Variants in EBF1 observed in about 807,000 individuals in gnomAD.
EBF1 encodes the protein transcription factor COE1.
In EBF1, 10 loss-of-function variants were observed where a neutral mutation model predicts 68.4. The observed-to-expected ratio is 0.15, with a 90% CI of 0.09 to 0.25. EBF1 has a LOEUF of 0.25. Among genes scored for constraint, EBF1 ranks in the 10% least tolerant of loss-of-function variants. The pLI, the probability that EBF1 is intolerant of heterozygous loss-of-function variation, is 1.00. For missense variants in EBF1, 509 were observed against 794.4 expected (o/e 0.64, Z 4.32); for synonymous variants, 298 against 299.8 (o/e 0.99, Z 0.06).
intron 6 of EBF1, among the ~76,000 whole-genome samples, chr5:158,937,999 G>A (rs972793794): frequency 6.6e-6 from 1 of 152,146 alleles, no homozygotes; most frequent in Non-Finnish European, 1.5e-5. Context: ...TCTCGTCGTG[G>A]ACCTGGCATG....
At chr5:158,883,635 C>T (rs1357841037) in intron 6 of EBF1, among the ~76,000 whole-genome samples, 1 of 152,090 alleles carries the variant, frequency 6.6e-6, no homozygotes, top group Non-Finnish European at 1.5e-5. Flanking sequence ...CTCCAAGTCT[C>T]ACAATCCTAT....
At chr5:158,758,265 G>T (rs1181988204) in intron 10 of EBF1, among the ~76,000 whole-genome samples, 1 of 152,202 alleles carries the variant, frequency 6.6e-6, no homozygotes, top group Non-Finnish European at 1.5e-5. Flanking sequence ...GCTCTGGGCT[G>T]ATGAGAGAGG....
intron 7 of EBF1, among the ~76,000 whole-genome samples, chr5:158,830,552 A>G (rs10068867): frequency 0.6 from 90,506 of 151,966 alleles, 27,104 homozygotes; most frequent in South Asian, 0.7. Flanking sequence ...TTACAGGTGT[A>G]AGCCAACACA....
At chr5:158,879,594 AT>A (rs1562200190) in intron 6 of EBF1, among the ~76,000 whole-genome samples, 1 of 152,200 alleles carries the variant, frequency 6.6e-6, no homozygotes, top group Non-Finnish European at 1.5e-5. Context: ...AGTCTTTGCT[AT>A]TGTGAATAGT....
intron 6 of EBF1, among the ~76,000 whole-genome samples, chr5:158,889,169 A>T (rs1254177328): frequency 6.6e-6 from 1 of 152,190 alleles, no homozygotes; most frequent in African/African-American, 2.4e-5. Context: ...ATGCTAATTT[A>T]AACACCTAAT....
At chr5:159,080,943 C>T (rs887844214) in intron 5 of EBF1, among the ~76,000 whole-genome samples, 2 of 152,122 alleles carry the variant, frequency 1.3e-5, no homozygotes, top group African/African-American at 2.4e-5. Context: ...CATGGTTTTG[C>T]TTTCCATGGT....
intron 6 of EBF1, among the ~76,000 whole-genome samples, chr5:158,965,766 C>A (rs1020683428): frequency 2.0e-5 from 3 of 152,188 alleles, no homozygotes; most frequent in African/African-American, 7.2e-5. Flanking sequence ...TATTTAGTAG[C>A]ATAATTAATC....
intron 5 of EBF1, among the ~76,000 whole-genome samples, chr5:159,077,836 T>C (rs140552149): frequency 7.1e-6 from 1 of 139,906 alleles, no homozygotes; most frequent in East Asian, 2.2e-4. Flanking sequence ...CTCCTGGGGC[T>C]CAAGCGATCC....
chr5:158,765,715 C>T (rs1561862915), intron 10 of EBF1, among the ~76,000 whole-genome samples: 1 of 152,142 alleles, frequency 6.6e-6, no homozygotes, highest in Non-Finnish European at 1.5e-5. Context: ...TTCTGTCTAC[C>T]TCTCACCATT....
In EBF1 at chr5:159,041,132, T is replaced by C. The variant is rs17056475; in HGVS notation, c.554+32264A>G. On this transcript the variant is annotated intron_variant, in intron 6 of 15. Coordinates refer to ENST00000313708, the MANE Select transcript of EBF1 (RefSeq NM_024007.5). ...TGGTACCCATCGTCACACACATCAA[T>C]GGTCATTTGAACTGAGCTTGACCAA... Among the ~76,000 whole-genome samples the C allele has an allele frequency of 6.3e-3, 958 of 152,322 alleles. 10 individuals carry two copies. Among genetic ancestry groups the C allele is most frequent in the African/African-American group, 0.022 (914 of 41,566 alleles).
chr5:159,096,220 T>G (rs1584590599), intron 3 of EBF1, 123 bp downstream of exon 3: 12 of 1,064,404 alleles, frequency 1.1e-5, no homozygotes. Context: ...GAGAGGCTGG[T>G]TCACCTCAAA....
At chr5:159,078,145 C>T (rs1779120021) in intron 5 of EBF1, among the ~76,000 whole-genome samples, 1 of 152,150 alleles carries the variant, frequency 6.6e-6, no homozygotes, top group Non-Finnish European at 1.5e-5. Flanking sequence ...TATCAAGCCC[C>T]CTGTGGCTTC....
chr5:159,068,374 GAT>G (rs1777199152), intron 6 of EBF1, among the ~76,000 whole-genome samples: 3 of 4,232 alleles, frequency 7.1e-4, no homozygotes, highest in East Asian at 3.6e-3. Context: ...TGGGTGGGTG[GAT>G]GGATGGATGG....
chr5:159,088,200 A>C (rs1480202815), intron 4 of EBF1, among the ~76,000 whole-genome samples: 1 of 152,182 alleles, frequency 6.6e-6, no homozygotes, highest in Non-Finnish European at 1.5e-5. Flanking sequence ...CCTATCATAC[A>C]GAAGGTATGG....
At chr5:159,087,443 T>C (rs58878670) in intron 4 of EBF1, among the ~76,000 whole-genome samples, 25 of 73,456 alleles carry the variant, frequency 3.4e-4, no homozygotes, top group Admixed American at 6.7e-4. Flanking sequence ...TATATATACA[T>C]ATATATATAC....
In EBF1 at chr5:158,811,543, T is replaced by G. The variant is rs147934566; in HGVS notation, c.778+11633A>C. Among the ~76,000 whole-genome samples the G allele has an allele frequency of 6.9e-3, 1,045 of 152,310 alleles. 17 individuals are homozygous for G. The highest frequency in any genetic ancestry group is 0.024 in the African/African-American group (1,006 of 41,584). On this transcript the variant is annotated intron_variant, in intron 8 of 15. Coordinates refer to ENST00000313708, the MANE Select transcript of EBF1 (RefSeq NM_024007.5). ...GTTTCCCAAATGTGTTTAGTAAAAC[T>G]AATAATACTAGTGCCCTCCCATGGC...
intron 6 of EBF1, among the ~76,000 whole-genome samples, chr5:158,941,522 T>C (rs1473475441): frequency 6.6e-6 from 1 of 152,214 alleles, no homozygotes; most frequent in Non-Finnish European, 1.5e-5. Context: ...CACTGAATTA[T>C]CCAAACTTAA....
intron 15 of EBF1, 142 bp downstream of exon 15, chr5:158,707,837 G>A (rs1431152141): frequency 4.7e-6 from 5 of 1,071,300 alleles, no homozygotes; most frequent in Admixed American, 5.4e-5. Flanking sequence ...CAAATACAAA[G>A]GAACAGAAGA....
At chr5:159,058,115 A>C (rs900218382) in intron 6 of EBF1, among the ~76,000 whole-genome samples, 2 of 152,240 alleles carry the variant, frequency 1.3e-5, no homozygotes, top group Non-Finnish European at 2.9e-5. Flanking sequence ...CCTTTCCTGC[A>C]TTCTCATGAG....
Sources: allele counts gnomAD v4.1 joint callset (sites outside exome capture counted in the v4.1 genomes callset), GRCh38; gene constraint gnomAD v4.1.1; transcripts MANE v1.5; gene names NCBI Gene and HGNC (gene_info 2026-07-23, HGNC 2026-07-21).